Variants in USP6 observed in about 807,000 individuals in gnomAD.
USP6 encodes ubiquitin carboxyl-terminal hydrolase 6.
Under a neutral mutation model 175.7 loss-of-function variants are expected in USP6, and 128 were observed. That is an observed-to-expected ratio of 0.73 (90% CI 0.63 to 0.84). USP6 has a LOEUF of 0.84. Among genes scored for constraint, USP6 ranks in the 40% least tolerant of loss-of-function variants. The probability of loss-of-function intolerance (pLI) is 0.00; values close to 1 mark genes in which losing one functional copy is unlikely to be tolerated. For synonymous variants in USP6, 562 were observed against 630.6 expected (o/e 0.89, Z 1.63); for missense variants, 1,498 against 1,760.3 (o/e 0.85, Z 2.67).
intron 37 of USP6, among the ~76,000 whole-genome samples, chr17:5,172,327 A>G (rs746997190): frequency 1.3e-5 from 2 of 152,046 alleles, no homozygotes; most frequent in Non-Finnish European, 1.5e-5. Flanking sequence ...GTCAGGAGAT[A>G]GAGGCCATCC....
At chr17:5,147,220 C>A (rs376361134) in intron 29 of USP6, 26 bp downstream of exon 29, 1 of 1,573,424 alleles carries the variant, frequency 6.4e-7, no homozygotes, top group Non-Finnish European at 8.7e-7. Flanking sequence ...AACTCCTTCT[C>A]ATGACTGCAC....
chr17:5,157,475 TAATG>T (rs2073908817), intron 31 of USP6, among the ~76,000 whole-genome samples: 1 of 152,248 alleles, frequency 6.6e-6, no homozygotes, highest in Non-Finnish European at 1.5e-5. Context: ...GCAGTTTAGT[TAATG>T]AATGTTTTGT....
intron 31 of USP6, among the ~76,000 whole-genome samples, chr17:5,161,002 C>G (rs1249403467): frequency 1.3e-5 from 2 of 152,012 alleles, no homozygotes; most frequent in Non-Finnish European, 2.9e-5. Context: ...GCACATGTAC[C>G]CTAAAGCTTA....
chr17:5,166,725 C>G (rs1488690233), intron 33 of USP6, among the ~76,000 whole-genome samples: 2 of 151,984 alleles, frequency 1.3e-5, no homozygotes. Flanking sequence ...GATCCCAGCT[C>G]TATGGTTCTT....
At chr17:5,125,479 A>G (rs1192463296) in intron 5 of USP6, among the ~76,000 whole-genome samples, 1 of 152,216 alleles carries the variant, frequency 6.6e-6, no homozygotes, top group Non-Finnish European at 1.5e-5. Flanking sequence ...ATAGTTAAGC[A>G]GCTTAAAGTT....
chr17:5,135,164 A>G, intron 15 of USP6, 70 bp from the exon 16 acceptor site: 2 of 1,544,102 alleles, frequency 1.3e-6, no homozygotes, highest in Non-Finnish European at 1.8e-6. Context: ...ATTTGTTAGG[A>G]TTTGTAGACA....
At chr17:5,134,042 G>A (rs1046453626) in intron 15 of USP6, 46 bp downstream of exon 15, 28 of 1,584,480 alleles carry the variant, frequency 1.8e-5, no homozygotes, top group South Asian at 2.2e-5. Context: ...TGGGGTGAAC[G>A]AGAGGGATGG....
At chr17:5,135,414 A>G (rs2073221610) in intron 16 of USP6, 132 bp downstream of exon 16, 2 of 1,257,638 alleles carry the variant, frequency 1.6e-6, no homozygotes, top group South Asian at 2.5e-5. Context: ...GTAGGATTCT[A>G]GGTCACCGCT....
In USP6 at chr17:5,174,622, A is replaced by G. The variant is rs1188153478; in HGVS notation, c.*1644A>G. ...AAAATCTGTCCATTCCTACCTGGACATGTCCCATTAAAAAGTGGAAGATTT... is the reference window on the plus strand; with the variant it reads ...AAAATCTGTCCATTCCTACCTGGACGTGTCCCATTAAAAAGTGGAAGATTT... On this transcript the variant is annotated 3_prime_UTR_variant, in exon 38 of 38. Transcript: ENST00000574788. The G allele has an allele frequency of 1.5e-5, 3 of 195,492 alleles. No individual in the cohort carries two copies. Among genetic ancestry groups the G allele is most frequent in the African/African-American group, 2.3e-5 (1 of 43,200 alleles). 12.1% of individuals were successfully genotyped at this position (195,492 alleles called of 1,614,324 possible).
chr17:5,123,998 C>T (rs1268750190), intron 4 of USP6, among the ~76,000 whole-genome samples: 3 of 152,176 alleles, frequency 2.0e-5, no homozygotes, highest in African/African-American at 4.8e-5. Context: ...CCTAACAAGA[C>T]GCACAAACAC....
At position 5,144,740 on chromosome 17, in the gene USP6, C is replaced by T; in HGVS notation, c.1869C>T (p.Asp623=). 1 of 1,613,676 alleles carries T rather than the reference C, an allele frequency of 6.2e-7. No homozygotes were observed. Among genetic ancestry groups the T allele is most frequent in the South Asian group, 1.1e-5 (1 of 90,954 alleles). Reference sequence around the variant, plus strand: ...AGTTTGATGGGTTTCAGCAACAAGACTCCCAAGAACTTCTGGCTTTTCTCT... The same window carrying T: ...AGTTTGATGGGTTTCAGCAACAAGATTCCCAAGAACTTCTGGCTTTTCTCT... ...APKFDGFQQQ[D]SQELLAFLLD... The change falls in exon 26 of 38, where the codon GAC becomes GAT. Residue 623 remains aspartate, a synonymous_variant. Transcript: ENST00000574788.
At position 5,168,326 on chromosome 17, in the gene USP6, A is replaced by G. The variant is rs16964039; in HGVS notation, c.3228+203A>G. ...GGTAGTTCCTTTTCCTAAAAAGCTC[A>G]TAACCTAGAAGAAGAGATCAATCAT... On this transcript the variant is annotated intron_variant, in intron 34 of 37. Coordinates refer to ENST00000574788, the MANE Select transcript of USP6 (RefSeq NM_001304284.2). 7.9e-3 allele frequency among the ~76,000 whole-genome samples: 1,125 copies of G among 142,206 alleles called. 21 individuals are homozygous for G. The highest frequency in any genetic ancestry group is 0.026 in the African/African-American group (1,040 of 40,670). 93.3% of individuals were successfully genotyped at this position (142,206 alleles called of 152,430 possible).
chr17:5,145,126 A>G (rs1357046919), intron 26 of USP6, among the ~76,000 whole-genome samples: 1 of 152,206 alleles, frequency 6.6e-6, no homozygotes, highest in Admixed American at 6.5e-5. Context: ...TGGAATTTAA[A>G]GAGTCCCCGT....
At chr17:5,165,545 C>T (rs1345278871) in intron 33 of USP6, among the ~76,000 whole-genome samples, 1 of 151,972 alleles carries the variant, frequency 6.6e-6, no homozygotes, top group Non-Finnish European at 1.5e-5. Flanking sequence ...CTCGCCAGTG[C>T]ACTCCAGCCT....
At chr17:5,153,107 T>A (rs2073809705) in intron 30 of USP6, among the ~76,000 whole-genome samples, 1 of 152,200 alleles carries the variant, frequency 6.6e-6, no homozygotes. Flanking sequence ...GATATAAAAC[T>A]GTAAAGGAAA....
At chr17:5,149,684 GT>G (rs1377596132) in intron 30 of USP6, among the ~76,000 whole-genome samples, 1 of 151,578 alleles carries the variant, frequency 6.6e-6, no homozygotes, top group Admixed American at 6.6e-5. Context: ...AAAGTTTTTT[GT>G]TTTGGGTTTT....
At chr17:5,127,909 C>T (rs3887446) in intron 7 of USP6, among the ~76,000 whole-genome samples, 19,188 of 152,172 alleles carry the variant, frequency 0.13, 1,382 homozygotes, top group African/African-American at 0.17. Flanking sequence ...GACAACCATC[C>T]GATTTGTTTT....
intron 2 of USP6, 149 bp from the exon 3 acceptor site, chr17:5,120,478 A>G (rs760836193): frequency 3.1e-6 from 1 of 319,370 alleles, no homozygotes; most frequent in Non-Finnish European, 6.1e-6. Context: ...ATCCACCTCC[A>G]CCTTCAGGGT....
rs200890219 is a variant in USP6 at position 5,139,278 on chromosome 17, G to A, written c.1102G>A (p.Ala368Thr). ...AGCCAAACGCGAGCAAGGGTCCTTG[G>A]CACCCAGGCCTGTGCCGGCTTCACG... is the stretch of plus-strand genomic sequence containing the variant. ...PPAKREQGSL[A>T]PRPVPASRGG... Residue 368 changes from alanine (A) to threonine (T), a missense_variant, in exon 22 of 38, where the codon GCA (alanine) becomes ACA (threonine). This residue lies in a region of USP6 where 1,217 missense variants were observed against 1,500.8 expected (regional missense o/e 0.81). Coordinates refer to ENST00000574788, the MANE Select transcript of USP6 (RefSeq NM_001304284.2). 2.2e-5 allele frequency: 36 copies of A among 1,604,190 alleles called. No homozygotes were observed. Among genetic ancestry groups the A allele is most frequent in the Non-Finnish European group, 2.9e-5 (34 of 1,179,996 alleles).
Sources: gnomAD v4.1 joint callset for allele counts (sites outside exome capture counted in the v4.1 genomes callset) on GRCh38, gnomAD v4.1.1 for gene constraint, gnomAD v4.1.1 regional missense constraint, MANE v1.5 for transcripts, NCBI Gene and HGNC (gene_info 2026-07-23, HGNC 2026-07-21) for gene names.